Variants in EPHA6 observed in about 807,000 individuals in gnomAD.
EPHA6 encodes the protein EPH receptor A6.
In EPHA6, 50 loss-of-function variants were observed where a neutral mutation model predicts 112.0. That is an observed-to-expected ratio of 0.45 (90% CI 0.36 to 0.56). The LOEUF (loss-of-function observed/expected upper bound fraction) is 0.56. EPHA6 is among the 20% of genes least tolerant of loss of function. EPHA6 has a pLI of 0.00. For missense variants in EPHA6, 1,280 were observed against 1,417.4 expected, an observed-to-expected ratio of 0.90 and a Z score of 1.56; for synonymous variants, 529 against 490.7, an observed-to-expected ratio of 1.08 and a Z score of -1.03.
intron 2 of EPHA6, among the ~76,000 whole-genome samples, chr3:96,975,300 T>C (rs2042478293): frequency 6.6e-6 from 1 of 152,114 alleles, no homozygotes; most frequent in Non-Finnish European, 1.5e-5. Context: ...CCCTTTGCTA[T>C]ATCTAATAAT....
intron 14 of EPHA6, among the ~76,000 whole-genome samples, chr3:97,676,501 G>A (rs778618170): frequency 6.6e-6 from 1 of 152,176 alleles, no homozygotes; most frequent in African/African-American, 2.4e-5. Flanking sequence ...AAACTAGGAA[G>A]TATAAATAAC....
At chr3:97,312,144 C>A (rs559469409) in intron 5 of EPHA6, among the ~76,000 whole-genome samples, 1 of 151,698 alleles carries the variant, frequency 6.6e-6, no homozygotes, top group South Asian at 2.1e-4. Context: ...TATCCTTCAA[C>A]TTTACTAGAT....
At chr3:96,972,848 T>C (rs1374026546) in intron 2 of EPHA6, among the ~76,000 whole-genome samples, 1 of 152,212 alleles carries the variant, frequency 6.6e-6, no homozygotes, top group Non-Finnish European at 1.5e-5. Flanking sequence ...CAAAATTGAT[T>C]TTGGAAATAA....
chr3:97,451,802 G>A (rs1443358513), intron 7 of EPHA6, among the ~76,000 whole-genome samples: 2 of 151,656 alleles, frequency 1.3e-5, no homozygotes, highest in Non-Finnish European at 3.0e-5. Context: ...TATAGCCTTT[G>A]TTTCTCAAGT....
At chr3:96,932,105 G>A (rs1454741155) in intron 2 of EPHA6, among the ~76,000 whole-genome samples, 2 of 152,130 alleles carry the variant, frequency 1.3e-5, no homozygotes, top group Admixed American at 6.5e-5. Context: ...TTGGTTGGGG[G>A]TGGGGGTTCC....
intron 3 of EPHA6, among the ~76,000 whole-genome samples, chr3:97,018,441 A>G (rs2044339007): frequency 6.6e-6 from 1 of 152,152 alleles, no homozygotes; most frequent in Non-Finnish European, 1.5e-5. Context: ...ATTGGATACA[A>G]GACAAAGGGG....
chr3:97,190,817 T>C (rs951916563), intron 3 of EPHA6, among the ~76,000 whole-genome samples: 5 of 151,970 alleles, frequency 3.3e-5, no homozygotes, highest in Admixed American at 1.3e-4. Flanking sequence ...TGTATACATA[T>C]GTAACTAACC....
rs187419526 is a variant in EPHA6 at position 97,032,574 on chromosome 3, G to T, written c.1114+44581G>T. Among the ~76,000 whole-genome samples the T allele has an allele frequency of 2.5e-3, 386 of 152,112 alleles. 2 individuals are homozygous for T. Among genetic ancestry groups the T allele is most frequent in the African/African-American group, 8.8e-3 (365 of 41,534 alleles). On this transcript the variant is annotated intron_variant, in intron 3 of 17. Coordinates refer to ENST00000389672, the MANE Select transcript of EPHA6 (RefSeq NM_001080448.3). ...ATGAAGGTCACAATTCCTATTTTGTGTATTTACTTGTTAGACTCAGGACCT... is the reference window on the plus strand; with the variant it reads ...ATGAAGGTCACAATTCCTATTTTGTTTATTTACTTGTTAGACTCAGGACCT...
At chr3:97,702,883 C>CA (rs1384455044) in intron 14 of EPHA6, among the ~76,000 whole-genome samples, 2 of 152,134 alleles carry the variant, frequency 1.3e-5, no homozygotes, top group African/African-American at 4.8e-5. Flanking sequence ...CCAACTTGAA[C>CA]AGAGTTAGAC....
At chr3:97,722,004 A>C (rs2034552644) in intron 15 of EPHA6, among the ~76,000 whole-genome samples, 1 of 152,142 alleles carries the variant, frequency 6.6e-6, no homozygotes, top group Non-Finnish European at 1.5e-5. Context: ...TCCTATTTTA[A>C]CACAACCAAA....
At chr3:96,947,842 C>T (rs1189460032) in intron 2 of EPHA6, among the ~76,000 whole-genome samples, 1 of 152,068 alleles carries the variant, frequency 6.6e-6, no homozygotes, top group Non-Finnish European at 1.5e-5. Context: ...CTTATAGATT[C>T]AATGCCATCC....
intron 14 of EPHA6, among the ~76,000 whole-genome samples, chr3:97,638,921 C>A (rs1339266279): frequency 1.3e-5 from 2 of 152,090 alleles, no homozygotes; most frequent in Admixed American, 6.5e-5. Flanking sequence ...TCTCACTTTA[C>A]ACATTATTTT....
chr3:97,600,243 T>C (rs2107400261), intron 12 of EPHA6, among the ~76,000 whole-genome samples: 1 of 149,536 alleles, frequency 6.7e-6, no homozygotes, highest in East Asian at 2.0e-4. Context: ...CTTTTCCTAA[T>C]TGAATACCCT....
intron 10 of EPHA6, among the ~76,000 whole-genome samples, chr3:97,528,702 A>T (rs1262679878): frequency 2.6e-5 from 4 of 152,128 alleles, no homozygotes; most frequent in Non-Finnish European, 5.9e-5. Context: ...ATTGTCTCTT[A>T]CTGCCTGTAT....
At chr3:97,172,164 G>T (rs1339812004) in intron 3 of EPHA6, among the ~76,000 whole-genome samples, 2 of 151,964 alleles carry the variant, frequency 1.3e-5, no homozygotes, top group Non-Finnish European at 2.9e-5. Context: ...GTGAGGCATT[G>T]GTTTAAAAGA....
chr3:96,830,907 G>A (rs2034028791), intron 1 of EPHA6, among the ~76,000 whole-genome samples: 1 of 151,956 alleles, frequency 6.6e-6, no homozygotes, highest in African/African-American at 2.4e-5. Flanking sequence ...TGTTCTCACT[G>A]CACAAGTGAT....
intron 3 of EPHA6, among the ~76,000 whole-genome samples, chr3:97,095,529 GA>G (rs1472678795): frequency 1.3e-5 from 2 of 151,898 alleles, no homozygotes; most frequent in African/African-American, 4.8e-5. Flanking sequence ...GGCACAGGCT[GA>G]TAATGCTTAC....
intron 3 of EPHA6, among the ~76,000 whole-genome samples, chr3:97,020,630 GTC>G (rs71876914): frequency 0.018 from 2,763 of 152,248 alleles, 72 homozygotes; most frequent in African/African-American, 0.051. Flanking sequence ...CTGGAGCACA[GTC>G]TCTGTGAGTT....
At chr3:97,444,779 G>C (rs1419840613) in intron 6 of EPHA6, among the ~76,000 whole-genome samples, 1 of 152,138 alleles carries the variant, frequency 6.6e-6, no homozygotes, top group Non-Finnish European at 1.5e-5. Flanking sequence ...ATAGTTTTCA[G>C]ATTGAATGCT....
Sources: gnomAD v4.1 joint callset for allele counts (sites outside exome capture counted in the v4.1 genomes callset) on GRCh38, gnomAD v4.1.1 for gene constraint, MANE v1.5 for transcripts, NCBI Gene and HGNC (gene_info 2026-07-23, HGNC 2026-07-21) for gene names.